The following ATP10A variants were observed in gnomAD, a reference collection of about 807,000 sequenced individuals.
ATP10A encodes ATPase phospholipid transporting 10A (putative).
A neutral mutation model predicts 147.8 loss-of-function variants in ATP10A; 111 were observed. The ratio of observed to expected loss-of-function variants is 0.75; its 90% CI spans 0.64 to 0.88. The LOEUF (loss-of-function observed/expected upper bound fraction) is 0.88. ATP10A is among the 40% of genes least tolerant of loss of function. The pLI is 0.00. For synonymous variants in ATP10A, 875 were observed against 841.6 expected (o/e 1.04, Z -0.69); for missense variants, 1,927 against 1,959.0 (o/e 0.98, Z 0.31).
intron 1 of ATP10A, among the ~76,000 whole-genome samples, chr15:25,824,557 GTGTTTT>G (rs386782229): frequency 7.2e-6 from 1 of 139,266 alleles, no homozygotes; most frequent in Non-Finnish European, 1.5e-5. Context: ...CTTTTTGTGT[GTGTTTT>G]TTTTTTTTTT....
At chr15:25,676,665 G>A (rs1049714704), downstream of ATP10A, among the ~76,000 whole-genome samples, 5 of 152,124 alleles carry the variant, frequency 3.3e-5, no homozygotes, top group Non-Finnish European at 5.9e-5. Context: ...GTCCTGAGAA[G>A]GCCTTTTTAT....
rs1372992516 is a variant in ATP10A, at chr15:25,708,274, T to G, written c.2371A>C (p.Lys791Gln). 1.2e-6 allele frequency: 2 copies of G among 1,614,190 alleles called. No individual in the cohort carries two copies. Among genetic ancestry groups the G allele is most frequent in the Non-Finnish European group, 1.7e-6 (2 of 1,180,036 alleles). The change falls in exon 11 of 21, where the codon AAG (lysine) becomes CAG (glutamine). Residue 791 changes from lysine to glutamine, a missense_variant. Lys to Gln is a moderately conservative substitution (Grantham distance 53). Coordinates refer to ENST00000555815, the MANE Select transcript of ATP10A (RefSeq NM_024490.4). Reference sequence around the variant, plus strand: ...TAATTCTGAGTTTTGCTCCGAATCTTTTTTTGATGCCTCCCTCTGGCGTCA... The same window carrying G: ...TAATTCTGAGTTTTGCTCCGAATCTGTTTTTGATGCCTCCCTCTGGCGTCA... The part of the protein sequence containing the change: ...SVDARGRHQK[K>Q]IRSKTQNYLN...
intron 2 of ATP10A, among the ~76,000 whole-genome samples, chr15:25,763,916 T>C (rs928073368): frequency 3.3e-5 from 5 of 152,226 alleles, no homozygotes; most frequent in Non-Finnish European, 7.3e-5. Context: ...TTTTAAGTGC[T>C]TGATTAGTGA....
At chr15:25,808,333 G>A (rs1016604091) in intron 1 of ATP10A, among the ~76,000 whole-genome samples, 1 of 152,220 alleles carries the variant, frequency 6.6e-6, no homozygotes. Flanking sequence ...AGTCACAACA[G>A]CTCTCATAGA....
chr15:25,853,911 C>T (rs949981558), intron 1 of ATP10A, among the ~76,000 whole-genome samples: 8 of 150,362 alleles, frequency 5.3e-5, no homozygotes, highest in South Asian at 2.1e-4. Flanking sequence ...CAGTGCGCTC[C>T]GGCCTGGGCA....
chr15:25,736,563 G>A (rs545139381), intron 2 of ATP10A, among the ~76,000 whole-genome samples: 14 of 152,136 alleles, frequency 9.2e-5, no homozygotes, highest in African/African-American at 3.1e-4. Flanking sequence ...TTTTTTCAAC[G>A]TACACTACAT....
At chr15:25,806,590 G>A (rs1293805099) in intron 1 of ATP10A, among the ~76,000 whole-genome samples, 1 of 152,164 alleles carries the variant, frequency 6.6e-6, no homozygotes, top group Non-Finnish European at 1.5e-5. Flanking sequence ...GGGATTACAG[G>A]TGTGAGCCAC....
chr15:25,689,823 T>C (rs1899918778), intron 15 of ATP10A, among the ~76,000 whole-genome samples: 2 of 152,236 alleles, frequency 1.3e-5, no homozygotes, highest in Non-Finnish European at 2.9e-5. Context: ...TGCTCCCACC[T>C]TGAGGAGGAG....
At position 25,723,975 on chromosome 15, in the gene ATP10A, A is replaced by C; in HGVS notation, c.1026T>G (p.Phe342Leu). The change falls in exon 6 of 21, where the codon TTT (phenylalanine) becomes TTG (leucine). Residue 342 changes from phenylalanine to leucine, a missense_variant. Coordinates refer to ENST00000555815, the MANE Select transcript of ATP10A (RefSeq NM_024490.4). ...AGCTTCCATCAGACTTGGGGACATA[A>C]AATAATGACTTCTTCTCTTGATACC... ...IWRYQEKKSL[F>L]YVPKSDGSSL... The C allele has an allele frequency of 6.2e-7, 1 of 1,609,106 alleles. No homozygotes were observed. The highest frequency in any genetic ancestry group is 8.5e-7 in the Non-Finnish European group (1 of 1,178,182).
chr15:25,795,346 G>A (rs1052630748), intron 1 of ATP10A, among the ~76,000 whole-genome samples: 4 of 152,076 alleles, frequency 2.6e-5, no homozygotes, highest in African/African-American at 9.7e-5. Flanking sequence ...CCTCCAGTCC[G>A]ATGTTTAACA....
chr15:25,713,868 C>T lies in ATP10A; in HGVS notation c.2150G>A (p.Arg717Gln), dbSNP rs754138281. 3.1e-6 allele frequency: 5 copies of T among 1,613,890 alleles called. No individual in the cohort carries two copies. Among genetic ancestry groups the T allele is most frequent in the Middle Eastern group, 1.6e-4 (1 of 6,062 alleles). Reference sequence around the variant, plus strand: ...CTCCACTGACACTTGGTCGTGCAGCCGCTCCACAAGCACGCAGTTGTAGGC... The same window carrying T: ...CTCCACTGACACTTGGTCGTGCAGCTGCTCCACAAGCACGCAGTTGTAGGC... ...ARAYNCVLVE[R>Q]LHDQVSVELP... The change falls in exon 10 of 21, where the codon CGG (arginine) becomes CAG (glutamine). Residue 717 changes from arginine (R) to glutamine (Q), a missense_variant. Arg to Gln is a conservative substitution (Grantham distance 43). Transcript: ENST00000555815.
At chr15:25,808,925 G>A (rs1375917438) in intron 1 of ATP10A, among the ~76,000 whole-genome samples, 1 of 152,208 alleles carries the variant, frequency 6.6e-6, no homozygotes, top group Non-Finnish European at 1.5e-5. Flanking sequence ...GGTTCCCCAG[G>A]CTTTGAGGGA....
At chr15:25,792,462 CAACA>C (rs1264096314) in intron 1 of ATP10A, among the ~76,000 whole-genome samples, 1 of 152,228 alleles carries the variant, frequency 6.6e-6, no homozygotes, top group Non-Finnish European at 1.5e-5. Context: ...CCCAAAGCCT[CAACA>C]AACACCCATG....
At chr15:25,672,946 G>A (rs2930628), downstream of ATP10A, among the ~76,000 whole-genome samples, 73,945 of 152,048 alleles carry the variant, frequency 0.49, 19,645 homozygotes, top group Admixed American at 0.62. Flanking sequence ...ACTAACCTGT[G>A]GTCACTGCTC....
intron 1 of ATP10A, among the ~76,000 whole-genome samples, chr15:25,808,079 C>T (rs1357086330): frequency 6.6e-6 from 1 of 152,176 alleles, no homozygotes; most frequent in Non-Finnish European, 1.5e-5. Flanking sequence ...CGAGATTTAA[C>T]TCTTTGTTTT....
chr15:25,765,524 C>T (rs917139867), intron 2 of ATP10A, among the ~76,000 whole-genome samples: 3 of 152,040 alleles, frequency 2.0e-5, no homozygotes, highest in Non-Finnish European at 4.4e-5. Flanking sequence ...ACATCCCTCA[C>T]CGCGGCACTA....
chr15:25,804,296 A>T, intron 1 of ATP10A, among the ~76,000 whole-genome samples: 1 of 133,564 alleles, frequency 7.5e-6, no homozygotes, highest in Non-Finnish European at 1.6e-5. Flanking sequence ...GTGGTGTGTG[A>T]GTGTTCGTGT....
intron 9 of ATP10A, among the ~76,000 whole-genome samples, chr15:25,716,388 G>A (rs1469808480): frequency 1.3e-5 from 2 of 152,172 alleles, no homozygotes; most frequent in Admixed American, 6.5e-5. Context: ...GAAGGACCCA[G>A]GCAGGCAGGG....
At chr15:25,747,287 C>CAAAAAA (rs34660034) in intron 2 of ATP10A, among the ~76,000 whole-genome samples, 10 of 113,208 alleles carry the variant, frequency 8.8e-5, no homozygotes, top group African/African-American at 1.6e-4. Context: ...AACTCCATCT[C>CAAAAAA]AAAAAAAAAA....
Sources: allele counts gnomAD v4.1 joint callset (sites outside exome capture counted in the v4.1 genomes callset), GRCh38; gene constraint gnomAD v4.1.1; transcripts MANE v1.5; gene names NCBI Gene and HGNC (gene_info 2026-07-23, HGNC 2026-07-21).